Variants in LRRN2 observed in about 807,000 individuals in gnomAD.
The protein encoded by LRRN2 is leucine rich repeat neuronal 2.
LRRN2 carries 10 observed loss-of-function variants against 35.7 expected under a neutral mutation model. The observed-to-expected ratio is 0.28, with a 90% CI of 0.17 to 0.47. LRRN2 has a LOEUF of 0.47. Among genes scored for constraint, LRRN2 ranks in the 20% least tolerant of loss-of-function variants. The pLI, the probability that LRRN2 is intolerant of heterozygous loss-of-function variation, is 0.99. For missense variants in LRRN2, 731 were observed against 940.3 expected (o/e 0.78, Z 2.91); for synonymous variants, 391 against 409.6 (o/e 0.95, Z 0.55).
intron 1 of LRRN2, among the ~76,000 whole-genome samples, chr1:204,659,994 C>A (rs1668437184): frequency 1.3e-5 from 2 of 152,216 alleles, no homozygotes; most frequent in Non-Finnish European, 2.9e-5. Flanking sequence ...GCCCCATTCA[C>A]TGGATTGGTG....
chr1:204,659,834 A>G (rs1396603342), intron 1 of LRRN2, among the ~76,000 whole-genome samples: 1 of 152,202 alleles, frequency 6.6e-6, no homozygotes, highest in Non-Finnish European at 1.5e-5. Flanking sequence ...ATGAAAACAA[A>G]TTTGCATTCC....
At chr1:204,647,770 C>T (rs1048556121) in intron 1 of LRRN2, among the ~76,000 whole-genome samples, 16 of 152,254 alleles carry the variant, frequency 1.1e-4, no homozygotes, top group African/African-American at 3.9e-4. Context: ...AAGGTGGCAG[C>T]CCCACATGAG....
Position 204,617,808 on chromosome 1 carries a change from A to G in LRRN2, c.*43T>C. On this transcript the variant is annotated 3_prime_UTR_variant, in exon 2 of 2. Transcript: ENST00000367177. ...CCAGACTGCTTCTCTTTTGGTAAAA[A>G]GTAGTCCTAGTGATTTCTCTACTGC... 1 of 1,605,112 alleles carries G rather than the reference A, an allele frequency of 6.2e-7. No homozygotes were observed. The highest frequency in any genetic ancestry group is 2.2e-5 in the East Asian group (1 of 44,842).
In LRRN2 at chr1:204,681,846, T is replaced by A. The variant is rs184730875; in HGVS notation, c.-227+3474A>T. On this transcript the variant is annotated intron_variant, in intron 1 of 1. Coordinates refer to ENST00000367177, the MANE Select transcript of LRRN2 (RefSeq NM_201630.2). ...ATCACATGCTGCTGTCTTTTTTGCA[T>A]ATCTCTTGTCTTCGGTTTTGTTTTG... Among the ~76,000 whole-genome samples, 14 of 152,362 alleles carry A rather than the reference T, an allele frequency of 9.2e-5. No individual in the cohort carries two copies. In the East Asian group the frequency reaches 2.7e-3, roughly 29 times the overall value.
intron 1 of LRRN2, among the ~76,000 whole-genome samples, chr1:204,672,966 T>C (rs1049630886): frequency 6.6e-6 from 1 of 152,206 alleles, no homozygotes; most frequent in African/African-American, 2.4e-5. Context: ...AATGCAGATC[T>C]TTCTCTTAGG....
At chr1:204,622,651 G>T (rs1666993345) in intron 1 of LRRN2, among the ~76,000 whole-genome samples, 1 of 152,096 alleles carries the variant, frequency 6.6e-6, no homozygotes, top group African/African-American at 2.4e-5. Flanking sequence ...TGGTCTAGGT[G>T]GGTGGAAAGG....
chr1:204,669,843 C>A (rs757550849), intron 1 of LRRN2, among the ~76,000 whole-genome samples: 1 of 152,184 alleles, frequency 6.6e-6, no homozygotes, highest in Non-Finnish European at 1.5e-5. Flanking sequence ...GACCATCCCA[C>A]TGGCCATCCT....
intron 1 of LRRN2, among the ~76,000 whole-genome samples, chr1:204,670,247 G>A (rs1006678544): frequency 4.6e-5 from 7 of 152,118 alleles, no homozygotes; most frequent in African/African-American, 1.7e-4. Flanking sequence ...GATGTAAGGC[G>A]GTAGAGAAAA....
At chr1:204,622,743 C>T (rs1317350481) in intron 1 of LRRN2, among the ~76,000 whole-genome samples, 1 of 152,046 alleles carries the variant, frequency 6.6e-6, no homozygotes, top group Non-Finnish European at 1.5e-5. Flanking sequence ...CACTTACATA[C>T]CAGAGACCCC....
At chr1:204,652,685 C>T (rs1668261925) in intron 1 of LRRN2, among the ~76,000 whole-genome samples, 1 of 152,176 alleles carries the variant, frequency 6.6e-6, no homozygotes, top group South Asian at 2.1e-4. Context: ...CAATATTTCT[C>T]AAACTAAGAG....
At chr1:204,675,873 T>C (rs961894748) in intron 1 of LRRN2, among the ~76,000 whole-genome samples, 2 of 152,224 alleles carry the variant, frequency 1.3e-5, no homozygotes, top group African/African-American at 4.8e-5. Flanking sequence ...GCTCTTCTCC[T>C]TTTCTCCATG....
chr1:204,620,043 C>T lies in LRRN2; in HGVS notation c.-51G>A. 1 of 1,556,474 alleles carries T rather than the reference C, an allele frequency of 6.4e-7. No individual in the cohort carries two copies. Among genetic ancestry groups the T allele is most frequent in the East Asian group, 2.3e-5 (1 of 43,076 alleles). ...TTCACAAGAAGAGTCTGGAGTCCTG[C>T]TCTTTGTGTTTTGCAGGGTAAGGGT... On this transcript the variant is annotated 5_prime_UTR_variant, in exon 2 of 2. Transcript: ENST00000367177.
chr1:204,673,483 T>C (rs1344092171), intron 1 of LRRN2, among the ~76,000 whole-genome samples: 5 of 152,168 alleles, frequency 3.3e-5, no homozygotes, highest in Non-Finnish European at 7.3e-5. Context: ...TCCAGGGTCA[T>C]AGAGCTGGGA....
chr1:204,669,705 C>T (rs1049084102), intron 1 of LRRN2, among the ~76,000 whole-genome samples: 4 of 151,328 alleles, frequency 2.6e-5, no homozygotes, highest in Non-Finnish European at 5.9e-5. Flanking sequence ...GGAAACAGCA[C>T]GTGTGAAGGC....
chr1:204,647,706 A>G (rs1002683745), intron 1 of LRRN2, among the ~76,000 whole-genome samples: 1 of 152,132 alleles, frequency 6.6e-6, no homozygotes, highest in Non-Finnish European at 1.5e-5. Context: ...ATGCGGAGTC[A>G]CTCTATGACT....
At chr1:204,682,070 G>A in intron 1 of LRRN2, among the ~76,000 whole-genome samples, 1 of 152,036 alleles carries the variant, frequency 6.6e-6, no homozygotes. Context: ...TTATCTTGGA[G>A]CTTTTATAAA....
At chr1:204,625,620 G>T (rs1558402293) in intron 1 of LRRN2, among the ~76,000 whole-genome samples, 1 of 152,040 alleles carries the variant, frequency 6.6e-6, no homozygotes, top group Non-Finnish European at 1.5e-5. Flanking sequence ...TCAATATCCA[G>T]CCCCCACCTG....
In LRRN2 at chr1:204,617,580, G is replaced by T; in HGVS notation, c.*271C>A. 2.2e-6 allele frequency: 1 copy of T among 458,248 alleles called. No homozygotes were observed. Among genetic ancestry groups the T allele is most frequent in the South Asian group, 2.5e-5 (1 of 40,770 alleles). The allele number at this position is 458,248 out of a possible 1,614,324, so 28.4% of individuals were successfully genotyped here. ...GAGCCTCTGGGCAGAGAGAAGATGG[G>T]GAGGCAGGAGGCTCTAGCCAAAGTC... On this transcript the variant is annotated 3_prime_UTR_variant, in exon 2 of 2. Coordinates refer to ENST00000367177, the MANE Select transcript of LRRN2 (RefSeq NM_201630.2).
chr1:204,677,713 G>A (rs760119612), intron 1 of LRRN2, among the ~76,000 whole-genome samples: 4 of 152,122 alleles, frequency 2.6e-5, no homozygotes, highest in Non-Finnish European at 2.9e-5. Flanking sequence ...GACAACGGCC[G>A]GAGCTGGAAA....
Sources: allele counts gnomAD v4.1 joint callset (sites outside exome capture counted in the v4.1 genomes callset), GRCh38; gene constraint gnomAD v4.1.1; transcripts MANE v1.5; gene names NCBI Gene and HGNC (gene_info 2026-07-23, HGNC 2026-07-21).